Variants in COL24A1 observed in about 807,000 individuals in gnomAD.
COL24A1 encodes collagen alpha-1(XXIV) chain.
A neutral mutation model predicts 253.9 loss-of-function variants in COL24A1; 224 were observed. The ratio of observed to expected loss-of-function variants is 0.88; its 90% confidence interval spans 0.79 to 0.99. COL24A1 has a LOEUF of 0.99. Among genes scored for constraint, COL24A1 ranks in the 50% least tolerant of loss-of-function variants. The pLI is 0.00. For missense variants in COL24A1, 2,131 were observed against 2,068.5 expected, an observed-to-expected ratio of 1.03 and a Z score of -0.59; for synonymous variants, 685 against 673.7, an observed-to-expected ratio of 1.02 and a Z score of -0.26.
chr1:86,106,134 T>C (rs1432080143), intron 5 of COL24A1, among the ~76,000 whole-genome samples: 1 of 152,138 alleles, frequency 6.6e-6, no homozygotes, highest in East Asian at 1.9e-4. Context: ...CACTACAAAA[T>C]TCTTCTTGTG....
At chr1:85,824,511 C>G (rs1429624334) in intron 43 of COL24A1, among the ~76,000 whole-genome samples, 1 of 152,144 alleles carries the variant, frequency 6.6e-6, no homozygotes. Context: ...TTTTTACAAA[C>G]TAACTTCACA....
In COL24A1 at chr1:85,922,404, AG is replaced by A. The variant is rs527731975; in HGVS notation, c.2563-10972del. On this transcript the variant is annotated intron_variant, in intron 24 of 59. Transcript: ENST00000370571. ...GGTTGAAATGAAGGAAAAAATGTTA[AG>A]GGCAGCCAGAGAGAAAGGTCAGGTT... Among the ~76,000 whole-genome samples, 33 of 152,346 alleles carry A rather than the reference AG, an allele frequency of 2.2e-4. No individual in the cohort carries two copies. The East Asian group carries it at 6.2e-3, about 28-fold the overall frequency.
At chr1:86,097,514 C>T (rs868273471) in intron 5 of COL24A1, among the ~76,000 whole-genome samples, 3 of 4,524 alleles carry the variant, frequency 6.6e-4, no homozygotes, top group Admixed American at 3.5e-3. Context: ...CTCCTCCTCC[C>T]TCCTCCTCCC....
rs954920435 is a variant in COL24A1, at chr1:85,745,363, T to A, written c.4503+78A>T. 3 of 860,576 alleles carry A rather than the reference T, an allele frequency of 3.5e-6. No individual in the cohort carries two copies. In the Admixed American group the frequency reaches 8.0e-5, roughly 23 times the overall value. 53.3% of individuals were successfully genotyped at this position (860,576 alleles called of 1,614,324 possible). A position where few individuals can be genotyped will look rare whatever the true frequency, so the allele number is the denominator to read the frequency against. On this transcript the variant is annotated intron_variant, in intron 56 of 59. Coordinates refer to ENST00000370571, the MANE Select transcript of COL24A1 (RefSeq NM_152890.7). ...TACAATCTTTGAGATAATGTCACATTTTGGCCTCCAAAAATTTTCTCTGTT... is the reference window on the plus strand; with the variant it reads ...TACAATCTTTGAGATAATGTCACATATTGGCCTCCAAAAATTTTCTCTGTT...
intron 43 of COL24A1, among the ~76,000 whole-genome samples, chr1:85,823,941 T>C (rs941865834): frequency 6.6e-6 from 1 of 152,144 alleles, no homozygotes. Flanking sequence ...GTTTTCTTTC[T>C]TTCTTTCTTT....
chr1:85,984,096 G>T (rs1693498151), intron 20 of COL24A1, among the ~76,000 whole-genome samples: 1 of 151,758 alleles, frequency 6.6e-6, no homozygotes, highest in Non-Finnish European at 1.5e-5. Context: ...AAGACTAAAA[G>T]AATTAGTGAG....
chr1:86,009,986 T>C (rs1018809174), intron 19 of COL24A1, among the ~76,000 whole-genome samples: 1 of 152,140 alleles, frequency 6.6e-6, no homozygotes, highest in Non-Finnish European at 1.5e-5. Flanking sequence ...GTTTAACGAA[T>C]GATTCTGAGA....
chr1:86,084,452 G>A (rs1702897696), intron 7 of COL24A1, among the ~76,000 whole-genome samples: 2 of 152,148 alleles, frequency 1.3e-5, no homozygotes, highest in Non-Finnish European at 2.9e-5. Flanking sequence ...TCATGCCAAT[G>A]TTAGTCCCAA....
chr1:86,121,488 C>T (rs1459632208), intron 3 of COL24A1, among the ~76,000 whole-genome samples: 1 of 151,754 alleles, frequency 6.6e-6, no homozygotes, highest in Non-Finnish European at 1.5e-5. Context: ...CAAAGAATGT[C>T]AAGATGACAT....
At chr1:86,133,497 A>T (rs1321689911) in intron 2 of COL24A1, among the ~76,000 whole-genome samples, 1 of 152,188 alleles carries the variant, frequency 6.6e-6, no homozygotes, top group Non-Finnish European at 1.5e-5. Context: ...TGTCATAGAT[A>T]GCACTTATTA....
intron 24 of COL24A1, among the ~76,000 whole-genome samples, chr1:85,926,178 G>A (rs1335998144): frequency 6.6e-6 from 1 of 152,214 alleles, no homozygotes; most frequent in East Asian, 1.9e-4. Context: ...GGAAACAACA[G>A]ATGCTGGAGA....
chr1:86,023,066 T>C lies in COL24A1; in HGVS notation c.2050-59A>G. 1.6e-5 allele frequency: 24 copies of C among 1,514,044 alleles called. No individual in the cohort carries two copies. The South Asian group carries it at 1.9e-4, about 12-fold the overall frequency. The allele number at this position is 1,514,044 out of a possible 1,614,324, so 93.8% of individuals were successfully genotyped here. On this transcript the variant is annotated intron_variant, in intron 14 of 59. Coordinates refer to ENST00000370571, the MANE Select transcript of COL24A1 (RefSeq NM_152890.7). Reference sequence around the variant, plus strand: ...GCATTCATTAGGATTAGAAAGAAAATGTGGCAGAATTAATAAATTAATGAA... The same window carrying C: ...GCATTCATTAGGATTAGAAAGAAAACGTGGCAGAATTAATAAATTAATGAA...
chr1:85,908,928 C>CTGT (rs1685104700), intron 26 of COL24A1, among the ~76,000 whole-genome samples: 1 of 151,716 alleles, frequency 6.6e-6, no homozygotes, highest in African/African-American at 2.4e-5. Context: ...GAATCACATA[C>CTGT]TACAGCCTAT....
chr1:85,779,066 G>T (rs1050497426), intron 52 of COL24A1, among the ~76,000 whole-genome samples: 15 of 151,960 alleles, frequency 9.9e-5, no homozygotes, highest in African/African-American at 2.9e-4. Flanking sequence ...GAGTGCAGTG[G>T]GTGCAGTCAA....
chr1:85,774,232 G>C (rs1006606534), intron 53 of COL24A1, among the ~76,000 whole-genome samples: 1 of 152,126 alleles, frequency 6.6e-6, no homozygotes, highest in Non-Finnish European at 1.5e-5. Flanking sequence ...ACTTGATCGT[G>C]GTGGGTAAGC....
intron 47 of COL24A1, among the ~76,000 whole-genome samples, chr1:85,807,568 C>A (rs897942800): frequency 6.6e-6 from 1 of 152,084 alleles, no homozygotes; most frequent in African/African-American, 2.4e-5. Context: ...CCATAGTGTA[C>A]TAGAATATAT....
chr1:86,113,883 A>G (rs6675364), intron 4 of COL24A1, among the ~76,000 whole-genome samples: 24,032 of 145,238 alleles, frequency 0.17, 2,157 homozygotes, highest in South Asian at 0.26. Context: ...AAATGGTTAG[A>G]TGTTATGACT....
intron 57 of COL24A1, 108 bp downstream of exon 57, chr1:85,744,558 G>T (rs1003125880): frequency 8.6e-6 from 8 of 932,994 alleles, no homozygotes; most frequent in African/African-American, 6.7e-5. Context: ...TTCTGCCAGG[G>T]TTTTATCAAA....
In COL24A1 at chr1:86,140,263, G is replaced by A. The variant is rs1202237258; in HGVS notation, c.121+5856C>T. On this transcript the variant is annotated intron_variant, in intron 2 of 59. Coordinates refer to ENST00000370571, the MANE Select transcript of COL24A1 (RefSeq NM_152890.7). ...AAGGTCAGTTAGCTAATAAATGGCG[G>A]AAACTGGGCTTAACTCTAAGATGCT... Among the ~76,000 whole-genome samples, 4 of 152,180 alleles carry A rather than the reference G, an allele frequency of 2.6e-5. No individual in the cohort carries two copies. The South Asian group carries it at 6.2e-4, about 24-fold the overall frequency.
Sources: gnomAD v4.1 joint callset for allele counts (sites outside exome capture counted in the v4.1 genomes callset) on GRCh38, gnomAD v4.1.1 for gene constraint, MANE v1.5 for transcripts, NCBI Gene and HGNC (gene_info 2026-07-23, HGNC 2026-07-21) for gene names.